The following BCKDHB variants were observed in gnomAD, a reference collection of about 807,000 sequenced individuals.
BCKDHB encodes the protein 2-oxoisovalerate dehydrogenase subunit beta, mitochondrial.
A neutral mutation model predicts 48.5 loss-of-function variants in BCKDHB; 41 were observed. The observed-to-expected ratio is 0.85, with a 90% confidence interval of 0.66 to 1.10. BCKDHB has a LOEUF of 1.10. BCKDHB is among the 50% of genes least tolerant of loss of function. BCKDHB has a pLI of 0.00. For synonymous variants in BCKDHB, 201 were observed against 174.8 expected, an observed-to-expected ratio of 1.15 and a Z score of -1.18; for missense variants, 496 against 494.2, an observed-to-expected ratio of 1.00 and a Z score of -0.03.
chr6:80,270,779 G>A (rs1046745357), intron 8 of BCKDHB, among the ~76,000 whole-genome samples: 2 of 152,108 alleles, frequency 1.3e-5, no homozygotes, highest in Non-Finnish European at 2.9e-5. Context: ...GGGATGGGAA[G>A]ACTGGCTCCC....
chr6:80,120,874 C>A (rs1005579936), intron 1 of BCKDHB, among the ~76,000 whole-genome samples: 1 of 151,984 alleles, frequency 6.6e-6, no homozygotes, highest in Non-Finnish European at 1.5e-5. Flanking sequence ...TAATTAGATC[C>A]CCTTTGTCTA....
the BCKDHB span, among the ~76,000 whole-genome samples, chr6:80,405,491 T>C: frequency 6.6e-6 from 1 of 152,156 alleles, no homozygotes; most frequent in African/African-American, 2.4e-5. Context: ...TCGGTCGCTA[T>C]GCCTTTTGAT....
chr6:80,425,185 A>T, the BCKDHB span, among the ~76,000 whole-genome samples: 1 of 152,196 alleles, frequency 6.6e-6, no homozygotes, highest in Non-Finnish European at 1.5e-5. Context: ...TACAGGGGAT[A>T]ATGACTAAGC....
At position 80,106,685 on chromosome 6, in the gene BCKDHB, T is replaced by C; in HGVS notation, c.-9T>C. ...CTGCATAGCCTGAGAATCCCGGTGG[T>C]GAGCGGGGATGGCGGTTGTAGCGGC... On this transcript the variant is annotated 5_prime_UTR_variant, in exon 1 of 10. Transcript: ENST00000320393. The C allele has an allele frequency of 3.9e-6, 6 of 1,551,918 alleles. No homozygotes were observed. The highest frequency in any genetic ancestry group is 5.2e-6 in the Non-Finnish European group (6 of 1,148,422).
chr6:80,369,932 ATATGT>A, the BCKDHB span, among the ~76,000 whole-genome samples: 55,054 of 151,658 alleles, frequency 0.36, 11,676 homozygotes, highest in East Asian at 0.65. Flanking sequence ...TTTATTTATG[ATATGT>A]TATAGTAATC....
At chr6:80,348,277 A>G (rs1483585716), downstream of BCKDHB, among the ~76,000 whole-genome samples, 1 of 152,208 alleles carries the variant, frequency 6.6e-6, no homozygotes, top group African/African-American at 2.4e-5. Flanking sequence ...AAATCTCATC[A>G]TCTAAAAATT....
intron 1 of BCKDHB, among the ~76,000 whole-genome samples, chr6:80,107,460 C>CAT (rs1232538807): frequency 4.4e-5 from 6 of 135,232 alleles, no homozygotes; most frequent in Non-Finnish European, 7.7e-5. Flanking sequence ...TATCCACACA[C>CAT]ATATATATAT....
intron 6 of BCKDHB, among the ~76,000 whole-genome samples, chr6:80,176,049 G>A (rs556579328): frequency 3.3e-5 from 5 of 152,282 alleles, no homozygotes; most frequent in Admixed American, 2.0e-4. Context: ...CTAGGAGACC[G>A]GGTAGGCGGC....
At chr6:80,365,414 CT>C in the BCKDHB span, among the ~76,000 whole-genome samples, 2 of 152,058 alleles carry the variant, frequency 1.3e-5, no homozygotes, top group Non-Finnish European at 2.9e-5. Flanking sequence ...CCCAGAGGGT[CT>C]CCCCCCAGGA....
At chr6:80,323,427 A>G (rs566403515) in intron 9 of BCKDHB, among the ~76,000 whole-genome samples, 4 of 152,162 alleles carry the variant, frequency 2.6e-5, no homozygotes, top group Non-Finnish European at 4.4e-5. Flanking sequence ...TAATACATAG[A>G]TATCGCCTCC....
chr6:80,298,719 G>C (rs896944231), intron 9 of BCKDHB, among the ~76,000 whole-genome samples: 1 of 152,184 alleles, frequency 6.6e-6, no homozygotes, highest in African/African-American at 2.4e-5. Flanking sequence ...AAGTAACAGA[G>C]AAGATTGGAA....
intron 8 of BCKDHB, among the ~76,000 whole-genome samples, chr6:80,215,378 G>A (rs545626372): frequency 2.0e-5 from 3 of 152,204 alleles, no homozygotes; most frequent in African/African-American, 7.2e-5. Context: ...GTTCTAGGCT[G>A]TTGGATGCTA....
the BCKDHB span, among the ~76,000 whole-genome samples, chr6:80,395,183 GA>G: frequency 2.6e-5 from 4 of 152,156 alleles, no homozygotes; most frequent in African/African-American, 9.7e-5. Flanking sequence ...CAAAAATGTG[GA>G]AGCAAGTTTG....
intron 8 of BCKDHB, among the ~76,000 whole-genome samples, chr6:80,271,562 C>CA (rs1777741666): frequency 6.6e-6 from 1 of 152,084 alleles, no homozygotes; most frequent in Admixed American, 6.6e-5. Flanking sequence ...TGAGCTCAGA[C>CA]AAAAAGGAAC....
At chr6:80,115,691 C>T (rs1257821354) in intron 1 of BCKDHB, among the ~76,000 whole-genome samples, 1 of 151,240 alleles carries the variant, frequency 6.6e-6, no homozygotes, top group African/African-American at 2.4e-5. Context: ...GGCTGGAGTG[C>T]AGTGGCGCGA....
At chr6:80,140,143 T>C (rs999524881) in intron 3 of BCKDHB, among the ~76,000 whole-genome samples, 15 of 152,182 alleles carry the variant, frequency 9.9e-5, no homozygotes, top group African/African-American at 3.4e-4. Flanking sequence ...GTGATTTTTG[T>C]ACATTGATTT....
At chr6:80,144,995 G>A (rs924266786) in intron 3 of BCKDHB, among the ~76,000 whole-genome samples, 1 of 152,112 alleles carries the variant, frequency 6.6e-6, no homozygotes, top group Non-Finnish European at 1.5e-5. Context: ...CAGAGAATAG[G>A]CAGCGTTCTT....
At chr6:80,243,637 G>T (rs1411131367) in intron 8 of BCKDHB, among the ~76,000 whole-genome samples, 1 of 152,076 alleles carries the variant, frequency 6.6e-6, no homozygotes, top group Non-Finnish European at 1.5e-5. Flanking sequence ...AGCTCAAGCA[G>T]TCTTCCCACC....
At chr6:80,267,962 A>G (rs926622792) in intron 8 of BCKDHB, among the ~76,000 whole-genome samples, 34 of 152,058 alleles carry the variant, frequency 2.2e-4, no homozygotes, top group African/African-American at 7.5e-4. Context: ...CAATACTAAA[A>G]TATGTGTAAC....
Sources: gnomAD v4.1 joint callset for allele counts (sites outside exome capture counted in the v4.1 genomes callset) on GRCh38, gnomAD v4.1.1 for gene constraint, MANE v1.5 for transcripts, NCBI Gene and HGNC (gene_info 2026-07-23, HGNC 2026-07-21) for gene names.